EPG5: variants seen among roughly 807,000 people sequenced by gnomAD.
EPG5 encodes the protein ectopic P granules protein 5 homolog.
In EPG5, 159 loss-of-function variants were observed where a neutral mutation model predicts 302.7. The ratio of observed to expected loss-of-function variants is 0.53; its 90% CI spans 0.46 to 0.60. The LOEUF is 0.60. Among genes scored for constraint, EPG5 ranks in the 20% least tolerant of loss-of-function variants. The pLI is 0.00. For missense variants in EPG5, 2,896 were observed against 3,092.4 expected (o/e 0.94, Z 1.51); for synonymous variants, 1,158 against 1,136.8 (o/e 1.02, Z -0.37).
intron 31 of EPG5, among the ~76,000 whole-genome samples, chr18:45,880,638 A>C (rs1190151459): frequency 6.6e-6 from 1 of 152,190 alleles, no homozygotes; most frequent in Non-Finnish European, 1.5e-5. Flanking sequence ...TGGGCTCTCC[A>C]GAAGGAGTCT....
chr18:45,904,660 C>A (rs1191402396), intron 24 of EPG5, among the ~76,000 whole-genome samples: 4 of 151,902 alleles, frequency 2.6e-5, no homozygotes, highest in Non-Finnish European at 5.9e-5. Context: ...AAGGGGAGGA[C>A]TTGTAGATTA....
chr18:45,953,546 C>G (rs2050957587), intron 2 of EPG5: 21 of 985,236 alleles, frequency 2.1e-5, no homozygotes, highest in Non-Finnish European at 2.5e-5. Context: ...CCAAACTTGT[C>G]AAGAGTAACC....
chr18:45,838,769 TC>T, the EPG5 span: 1 of 1,575,126 alleles, frequency 6.3e-7, no homozygotes, highest in African/African-American at 1.4e-5. Flanking sequence ...GCTCACGCCT[TC>T]CGCGCGCTCT....
chr18:45,824,350 G>C, the EPG5 span, among the ~76,000 whole-genome samples: 1 of 152,174 alleles, frequency 6.6e-6, no homozygotes, highest in Non-Finnish European at 1.5e-5. Flanking sequence ...GAGACTACAG[G>C]CACCCACCAC....
intron 5 of EPG5, among the ~76,000 whole-genome samples, chr18:45,949,168 G>C (rs1426632644): frequency 6.6e-6 from 1 of 152,088 alleles, no homozygotes; most frequent in Non-Finnish European, 1.5e-5. Context: ...ATTGACTTAG[G>C]AAGCTGTATT....
chr18:45,823,920 A>T, the EPG5 span, among the ~76,000 whole-genome samples: 1 of 152,266 alleles, frequency 6.6e-6, no homozygotes, highest in African/African-American at 2.4e-5. Context: ...TCACATGGCA[A>T]CTAGTGCTGA....
At chr18:45,845,762 C>T (rs1312264376), downstream of EPG5, among the ~76,000 whole-genome samples, 6 of 152,230 alleles carry the variant, frequency 3.9e-5, no homozygotes, top group Non-Finnish European at 5.9e-5. Context: ...CTGCGGCCTG[C>T]AGGCTTTGCT....
At chr18:45,918,060 TA>T (rs2050072785) in intron 16 of EPG5, among the ~76,000 whole-genome samples, 2 of 152,324 alleles carry the variant, frequency 1.3e-5, no homozygotes, top group East Asian at 3.9e-4. Context: ...CAAATTCACA[TA>T]ATTTCCTAGA....
chr18:45,949,799 A>G (rs897305374), intron 4 of EPG5, among the ~76,000 whole-genome samples: 2 of 152,200 alleles, frequency 1.3e-5, no homozygotes. Flanking sequence ...ATTCTCTACA[A>G]ATCTAGCTTT....
At chr18:45,955,448 A>G (rs1363271656) in intron 1 of EPG5, 110 bp from the exon 2 acceptor site, 1 of 741,136 alleles carries the variant, frequency 1.3e-6, no homozygotes, top group Admixed American at 3.2e-5. Context: ...GTAACAAATG[A>G]AACCTAAATT....
At chr18:45,892,590 A>T (rs964455874) in intron 27 of EPG5, among the ~76,000 whole-genome samples, 1 of 152,192 alleles carries the variant, frequency 6.6e-6, no homozygotes, top group Non-Finnish European at 1.5e-5. Context: ...TACCCACAAT[A>T]CCAAAGTACA....
chr18:45,930,635 G>A, intron 12 of EPG5, 41 bp downstream of exon 12: 1 of 1,491,648 alleles, frequency 6.7e-7, no homozygotes, highest in Non-Finnish European at 8.9e-7. Flanking sequence ...CAATCCAAAA[G>A]AAAACATTTT....
At chr18:45,830,023 C>T in the EPG5 span, among the ~76,000 whole-genome samples, 2 of 152,160 alleles carry the variant, frequency 1.3e-5, no homozygotes, top group Non-Finnish European at 2.9e-5. Context: ...TAATTCCAGG[C>T]ATTAGTAAAA....
intron 9 of EPG5, 41 bp downstream of exon 9, chr18:45,943,120 G>C: frequency 6.3e-7 from 1 of 1,595,622 alleles, no homozygotes; most frequent in Non-Finnish European, 8.6e-7. Context: ...GTCTGACCAG[G>C]GTGAAAGGAA....
At chr18:45,919,721 C>G (rs551093775) in intron 16 of EPG5, among the ~76,000 whole-genome samples, 2 of 152,214 alleles carry the variant, frequency 1.3e-5, no homozygotes, top group African/African-American at 4.8e-5. Flanking sequence ...ACCGTGTTAG[C>G]CAGGATGGTC....
At position 45,928,934 on chromosome 18, in the gene EPG5, C is replaced by T. The variant is rs1187668592; in HGVS notation, c.2488G>A (p.Val830Ile). The T allele has an allele frequency of 3.1e-6, 5 of 1,613,714 alleles. No homozygotes were observed. Among genetic ancestry groups the T allele is most frequent in the Non-Finnish European group, 4.2e-6 (5 of 1,179,658 alleles). The change falls in exon 13 of 44, where the codon GTT becomes ATT. Residue 830 changes from valine (V) to isoleucine (I), a missense_variant. Transcript: ENST00000282041. Reference protein sequence around the residue: ...GRELLGTITAVHPEIISVLLD... With the variant: ...GRELLGTITAIHPEIISVLLD... ...AGGACGGAAATTATCTCAGGGTGAA[C>T]AGCTGTGATAGTCCCTAAAAGCTCT...
rs1366246422 is a variant in EPG5 at position 45,952,462 on chromosome 18, A to G, written c.1190T>C (p.Ile397Thr). The G allele has an allele frequency of 6.2e-7, 1 of 1,614,194 alleles. No individual in the cohort carries two copies. Among genetic ancestry groups the G allele is most frequent in the Non-Finnish European group, 8.5e-7 (1 of 1,180,024 alleles). ...VLSRLQVESY[I>T]YALLSSSAVL... ...AGCTGAACTACTGAGCAATGCATAGATGTAAGACTCCACTTGCAATCTTGA... is the reference window on the plus strand; with the variant it reads ...AGCTGAACTACTGAGCAATGCATAGGTGTAAGACTCCACTTGCAATCTTGA... Residue 397 changes from isoleucine to threonine, a missense_variant, in exon 3 of 44, where the codon ATC (isoleucine) becomes ACC (threonine). Physicochemically the swap from Ile to Thr is moderately conservative, Grantham distance 89 (BLOSUM62 -1). Coordinates refer to ENST00000282041, the MANE Select transcript of EPG5 (RefSeq NM_020964.3).
In EPG5 at chr18:45,910,664, T is replaced by C. The variant is rs756098385; in HGVS notation, c.4062A>G (p.Arg1354=). 3 of 1,614,126 alleles carry C rather than the reference T, an allele frequency of 1.9e-6. No homozygotes were observed. The highest frequency in any genetic ancestry group is 2.7e-5 in the African/African-American group (2 of 75,016). ...AHINLLKEMK[R]RLTEVADFHH... ...GGAAGTCAGCCACCTCGGTCAAACG[T>C]CTCTTCATTTCTTTCAACAAATTGA... Residue 1354 remains arginine, a synonymous_variant, in exon 23 of 44, where the codon AGA becomes AGG. Transcript: ENST00000282041.
At chr18:45,860,387 A>G (rs1177096403) in intron 39 of EPG5, 41 bp from the exon 40 acceptor site, 1 of 1,613,572 alleles carries the variant, frequency 6.2e-7, no homozygotes, top group Non-Finnish European at 8.5e-7. Flanking sequence ...GCTGCCAGAA[A>G]GGTACTATCC....
Sources: gnomAD v4.1 joint callset for allele counts (sites outside exome capture counted in the v4.1 genomes callset) on GRCh38, gnomAD v4.1.1 for gene constraint, MANE v1.5 for transcripts, NCBI Gene and HGNC (gene_info 2026-07-23, HGNC 2026-07-21) for gene names.